DENND1A: variants seen among roughly 807,000 people sequenced by gnomAD.
DENND1A encodes DENN domain containing 1A.
A neutral mutation model predicts 113.7 loss-of-function variants in DENND1A; 51 were observed. The ratio of observed to expected loss-of-function variants is 0.45; its 90% CI spans 0.36 to 0.57. The LOEUF (loss-of-function observed/expected upper bound fraction) is 0.57. DENND1A is among the 20% of genes least tolerant of loss of function. The pLI is 0.00. For missense variants in DENND1A, 1,258 were observed against 1,395.9 expected, an observed-to-expected ratio of 0.90 and a Z score of 1.57; for synonymous variants, 565 against 570.8, an observed-to-expected ratio of 0.99 and a Z score of 0.14.
intron 21 of DENND1A, among the ~76,000 whole-genome samples, chr9:123,395,652 G>A: frequency 6.6e-6 from 1 of 152,080 alleles, no homozygotes. Flanking sequence ...TACCCCCTGG[G>A]GCCGAGGGCC....
At chr9:123,715,601 C>G (rs2066919748) in intron 5 of DENND1A, among the ~76,000 whole-genome samples, 2 of 152,194 alleles carry the variant, frequency 1.3e-5, no homozygotes, top group Admixed American at 1.3e-4. Context: ...ACCTAAAGTA[C>G]TCAGACTCCA....
At chr9:123,714,361 A>G (rs1018380426) in intron 5 of DENND1A, among the ~76,000 whole-genome samples, 16 of 152,086 alleles carry the variant, frequency 1.1e-4, no homozygotes, top group Non-Finnish European at 1.6e-4. Flanking sequence ...CAGCACTTTG[A>G]GAGGCTGAGT....
intron 15 of DENND1A, among the ~76,000 whole-genome samples, chr9:123,456,252 A>G (rs752820053): frequency 2.4e-4 from 37 of 152,024 alleles, no homozygotes; most frequent in Non-Finnish European, 5.1e-4. Flanking sequence ...ACCCAGCAAT[A>G]AAAGGGGGCC....
chr9:123,679,533 G>C (rs2064305378), intron 5 of DENND1A, among the ~76,000 whole-genome samples: 1 of 152,186 alleles, frequency 6.6e-6, no homozygotes, highest in Admixed American at 6.5e-5. Context: ...GGACACAACT[G>C]TTCCCCACAT....
At chr9:123,914,078 G>A (rs899990209) in intron 1 of DENND1A, among the ~76,000 whole-genome samples, 7 of 151,680 alleles carry the variant, frequency 4.6e-5, no homozygotes, top group African/African-American at 1.7e-4. Flanking sequence ...ATTTTAAGCG[G>A]GTAGAACCTT....
chr9:123,715,876 A>C (rs932194041), intron 5 of DENND1A, among the ~76,000 whole-genome samples: 4 of 151,946 alleles, frequency 2.6e-5, no homozygotes, highest in Non-Finnish European at 1.5e-5. Flanking sequence ...GGGTTTTGCC[A>C]TGTTGCCCAG....
intron 2 of DENND1A, among the ~76,000 whole-genome samples, chr9:123,860,764 A>G (rs1269340746): frequency 3.3e-5 from 5 of 152,238 alleles, no homozygotes; most frequent in Non-Finnish European, 7.3e-5. Flanking sequence ...ACAGCAGTAC[A>G]TGAAAGAAAG....
chr9:123,494,234 A>C (rs1037111231), intron 13 of DENND1A, among the ~76,000 whole-genome samples: 4 of 152,156 alleles, frequency 2.6e-5, no homozygotes, highest in African/African-American at 9.7e-5. Context: ...ACTTTTTTAC[A>C]CTGGCTGTCC....
intron 18 of DENND1A, among the ~76,000 whole-genome samples, chr9:123,447,445 C>A (rs4142961): frequency 1.3e-5 from 2 of 152,210 alleles, no homozygotes; most frequent in Non-Finnish European, 2.9e-5. Context: ...AATGAACAAG[C>A]GTTGGAGAAG....
At chr9:123,467,107 T>C (rs1043552153) in intron 13 of DENND1A, among the ~76,000 whole-genome samples, 2 of 152,152 alleles carry the variant, frequency 1.3e-5, no homozygotes, top group African/African-American at 4.8e-5. Context: ...AAAAACATTA[T>C]TGCCTTCTTT....
chr9:123,419,130 G>A (rs1349360438), intron 19 of DENND1A, among the ~76,000 whole-genome samples: 2 of 152,246 alleles, frequency 1.3e-5, no homozygotes, highest in Non-Finnish European at 2.9e-5. Flanking sequence ...GAATAGTACA[G>A]ATGCTGGAGG....
intron 13 of DENND1A, among the ~76,000 whole-genome samples, chr9:123,525,050 A>C (rs2054706827): frequency 6.6e-6 from 1 of 152,196 alleles, no homozygotes; most frequent in Non-Finnish European, 1.5e-5. Flanking sequence ...AGCTTCTCTG[A>C]CTACCTTGGG....
chr9:123,853,477 A>G (rs2133177998), intron 2 of DENND1A, among the ~76,000 whole-genome samples: 1 of 151,974 alleles, frequency 6.6e-6, no homozygotes, highest in East Asian at 2.0e-4. Context: ...CAGCCTGGCC[A>G]ACCTGGTAAA....
intron 1 of DENND1A, among the ~76,000 whole-genome samples, chr9:123,879,756 C>A (rs558578225): frequency 6.6e-6 from 1 of 152,230 alleles, no homozygotes; most frequent in South Asian, 2.1e-4. Context: ...GAATAAAACA[C>A]GAATGTGACA....
intron 19 of DENND1A, among the ~76,000 whole-genome samples, chr9:123,438,290 C>G (rs1227536979): frequency 1.3e-5 from 2 of 152,212 alleles, no homozygotes; most frequent in African/African-American, 4.8e-5. Context: ...GTTTCCCTGG[C>G]TCAAGCCCCC....
At chr9:123,599,946 A>G (rs1419271271) in intron 11 of DENND1A, among the ~76,000 whole-genome samples, 3 of 152,136 alleles carry the variant, frequency 2.0e-5, no homozygotes, top group Non-Finnish European at 4.4e-5. Context: ...TCGGCTGAGC[A>G]TGGTGTTAAA....
intron 11 of DENND1A, among the ~76,000 whole-genome samples, chr9:123,603,720 T>C (rs2060030663): frequency 6.6e-6 from 1 of 152,100 alleles, no homozygotes; most frequent in Non-Finnish European, 1.5e-5. Context: ...TAAACTGAGG[T>C]GTAGAAAAAG....
intron 13 of DENND1A, among the ~76,000 whole-genome samples, chr9:123,466,414 C>T (rs938257801): frequency 2.0e-4 from 31 of 152,136 alleles, no homozygotes; most frequent in Admixed American, 6.6e-5. Flanking sequence ...ATTATCCTGC[C>T]TCAGCCTCCT....
intron 1 of DENND1A, among the ~76,000 whole-genome samples, chr9:123,879,554 A>G (rs1848019007): frequency 8.9e-6 from 1 of 112,088 alleles, no homozygotes; most frequent in South Asian, 2.4e-4. Context: ...ATAAAATTAT[A>G]CACACACACA....
Sources: gnomAD v4.1 joint callset for allele counts (sites outside exome capture counted in the v4.1 genomes callset) on GRCh38, gnomAD v4.1.1 for gene constraint, MANE v1.5 for transcripts, NCBI Gene and HGNC (gene_info 2026-07-23, HGNC 2026-07-21) for gene names.